The following ENDOV variants were observed in gnomAD, a reference collection of about 807,000 sequenced individuals.
The protein encoded by ENDOV is hEndoV.
In ENDOV, 37 loss-of-function variants were observed where a neutral mutation model predicts 39.4. The ratio of observed to expected loss-of-function variants is 0.94; its 90% CI spans 0.72 to 1.23. The LOEUF is 1.23. Among genes scored for constraint, ENDOV ranks in the 50% most tolerant of loss-of-function variants. The pLI is 0.00. For synonymous variants in ENDOV, 186 were observed against 163.4 expected, an observed-to-expected ratio of 1.14 and a Z score of -1.05; for missense variants, 441 against 375.7, an observed-to-expected ratio of 1.17 and a Z score of -1.44.
chr17:80,435,736 T>C (rs2083554346), intron 9 of ENDOV, among the ~76,000 whole-genome samples: 1 of 151,406 alleles, frequency 6.6e-6, no homozygotes, highest in Admixed American at 6.6e-5. Flanking sequence ...TGCCTCAGCC[T>C]CCTGAGTAGC....
At chr17:80,415,936 C>T in intron 2 of ENDOV, 115 bp downstream of exon 2, 2 of 1,343,130 alleles carry the variant, frequency 1.5e-6, no homozygotes, top group South Asian at 1.4e-5. Context: ...TGTAGGATGT[C>T]ATTAATAGTC....
intron 1 of ENDOV, 159 bp from the exon 2 acceptor site, chr17:80,415,491 T>G (rs1374874319): frequency 9.0e-7 from 1 of 1,106,900 alleles, no homozygotes; most frequent in African/African-American, 1.6e-5. Context: ...CTCCGCCGCC[T>G]GGGCTCCTAG....
chr17:80,433,057 A>T (rs767236320), intron 9 of ENDOV: 6 of 517,400 alleles, frequency 1.2e-5, no homozygotes, highest in African/African-American at 3.9e-5. Flanking sequence ...CTCCACACTC[A>T]CTGGCATTCC....
At chr17:80,426,660 T>G (rs2082719719) in intron 7 of ENDOV, among the ~76,000 whole-genome samples, 1 of 151,926 alleles carries the variant, frequency 6.6e-6, no homozygotes, top group Non-Finnish European at 1.5e-5. Context: ...CAAAAAAACT[T>G]TAAAAAACAA....
In ENDOV at chr17:80,434,108, T is replaced by C. The variant is rs529425381; in HGVS notation, c.839-2025T>C. On this transcript the variant is annotated intron_variant, in intron 9 of 9. Transcript: ENST00000518137. ...TGGCACCCAGCAAGGGCTTCCTGTC[T>C]CTGGACAGGCCTGTTGTGGGCACCA... 3.9e-5 allele frequency among the ~76,000 whole-genome samples: 6 copies of C among 152,296 alleles called. No individual in the cohort carries two copies. The East Asian group carries it at 1.2e-3, about 29-fold the overall frequency.
intron 6 of ENDOV, 23 bp downstream of exon 6, chr17:80,425,123 T>G (rs1445852898): frequency 3.1e-6 from 5 of 1,592,162 alleles, no homozygotes; most frequent in Non-Finnish European, 4.3e-6. Flanking sequence ...GGCCCTGAGC[T>G]CCTCCAAAGC....
At chr17:80,427,782 C>A in intron 7 of ENDOV, 1 of 1,289,220 alleles carries the variant, frequency 7.8e-7, no homozygotes, top group South Asian at 1.2e-5. Flanking sequence ...TGGTCACAGG[C>A]GCTGCGGCGC....
intron 2 of ENDOV, 35 bp downstream of exon 2, chr17:80,415,856 C>T (rs2081057685): frequency 7.7e-6 from 12 of 1,563,180 alleles, no homozygotes; most frequent in Middle Eastern, 2.1e-4. Flanking sequence ...GAGGCGGGCC[C>T]CTCGGTGGGC....
intron 9 of ENDOV, among the ~76,000 whole-genome samples, chr17:80,431,648 GC>G (rs41301898): frequency 0.021 from 3,257 of 152,296 alleles, 37 homozygotes; most frequent in Middle Eastern, 0.051. Flanking sequence ...GGTGTCAGTG[GC>G]CCCGGACTGG....
chr17:80,431,294 C>T (rs1056912156), intron 9 of ENDOV, among the ~76,000 whole-genome samples: 9 of 152,190 alleles, frequency 5.9e-5, no homozygotes, highest in African/African-American at 1.2e-4. Flanking sequence ...TGGCCCCACC[C>T]GCCTGCGCTC....
At chr17:80,428,227 T>C (rs769406745) in intron 7 of ENDOV, among the ~76,000 whole-genome samples, 3 of 152,202 alleles carry the variant, frequency 2.0e-5, no homozygotes, top group Non-Finnish European at 4.4e-5. Flanking sequence ...AAGCCTCGGC[T>C]TGCGCAGAGC....
intron 9 of ENDOV, chr17:80,433,228 G>T (rs1001756383): frequency 1.7e-5 from 9 of 519,920 alleles, no homozygotes; most frequent in South Asian, 4.2e-5. Context: ...AGCTCAAAAC[G>T]CATCCCACAG....
intron 2 of ENDOV, chr17:80,418,142 C>T (rs1388988989): frequency 1.3e-5 from 2 of 152,326 alleles, no homozygotes; most frequent in South Asian, 4.1e-4. Flanking sequence ...GTCCTGACTA[C>T]TCATGCTCAC....
At chr17:80,425,417 C>G (rs1410169163) in intron 6 of ENDOV, 75 bp from the exon 7 acceptor site, 1 of 1,516,752 alleles carries the variant, frequency 6.6e-7, no homozygotes. Context: ...TGTCAGAGCT[C>G]CAGCTGCTGA....
intron 2 of ENDOV, chr17:80,419,805 G>T: frequency 1.5e-6 from 1 of 649,918 alleles, no homozygotes; most frequent in South Asian, 1.7e-5. Flanking sequence ...ACTTGGATGT[G>T]GTCTACCCAA....
chr17:80,419,443 C>T (rs2081661430), intron 2 of ENDOV: 1 of 626,686 alleles, frequency 1.6e-6, no homozygotes, highest in Non-Finnish European at 2.9e-6. Context: ...GAGCCCATTC[C>T]ATGCCAGATG....
intron 9 of ENDOV, among the ~76,000 whole-genome samples, chr17:80,431,958 G>T (rs2083356328): frequency 6.6e-6 from 1 of 152,176 alleles, no homozygotes; most frequent in Non-Finnish European, 1.5e-5. Context: ...CTTTGAGGTT[G>T]TGTGGACCCT....
chr17:80,429,957 A>C, intron 9 of ENDOV, 126 bp downstream of exon 9: 1 of 1,567,636 alleles, frequency 6.4e-7, no homozygotes, highest in Non-Finnish European at 8.6e-7. Context: ...CAAGAAGGCC[A>C]CCGGCCACCC....
Position 80,425,056 on chromosome 17 carries a change from G to C in ENDOV, c.541G>C (p.Asp181His). Residue 181 changes from aspartate (D) to histidine (H), a missense_variant, in exon 6 of 10, where the codon GAC (aspartate) becomes CAC (histidine). Asp to His is a moderately conservative substitution (Grantham distance 81). Coordinates refer to ENST00000518137, the MANE Select transcript of ENDOV (RefSeq NM_173627.5). ...GATCCGACTCCTGCAGACTCGAGGA[G>C]ACTCATTCCCTCTGCTGGGAGACTC... ...EKIRLLQTRG[D>H]SFPLLGDSGT... 6.2e-7 allele frequency: 1 copy of C among 1,612,544 alleles called. No homozygotes were observed. Among genetic ancestry groups the C allele is most frequent in the African/African-American group, 1.3e-5 (1 of 74,994 alleles).
Sources: gnomAD v4.1 joint callset for allele counts (sites outside exome capture counted in the v4.1 genomes callset) on GRCh38, gnomAD v4.1.1 for gene constraint, MANE v1.5 for transcripts, NCBI Gene and HGNC (gene_info 2026-07-23, HGNC 2026-07-21) for gene names.